The following MED22 variants were observed in gnomAD, a reference collection of about 807,000 sequenced individuals.
The protein encoded by MED22 is mediator of RNA polymerase II transcription subunit 22.
In MED22, 22 loss-of-function variants were observed where a neutral mutation model predicts 22.7. The ratio of observed to expected loss-of-function variants is 0.97; its 90% CI spans 0.69 to 1.38. The LOEUF (loss-of-function observed/expected upper bound fraction) is 1.38, where lower values mean the gene tolerates loss of function less well. Among genes scored for constraint, MED22 ranks in the 40% most tolerant of loss-of-function variants. The pLI is 0.00. For synonymous variants in MED22, 134 were observed against 119.4 expected (o/e 1.12, Z -0.80); for missense variants, 247 against 263.0 (o/e 0.94, Z 0.42).
Position 133,338,885 on chromosome 9 carries a change from G to C in MED22, c.*2620C>G. On this transcript the variant is annotated 3_prime_UTR_variant, in exon 5 of 5. Transcript: ENST00000343730. Reference sequence around the variant, plus strand: ...GAGCCACTGGGCCTGACCTGGTCCTGTTTTAGATTTTAAGACTCCAAAATA... The same window carrying C: ...GAGCCACTGGGCCTGACCTGGTCCTCTTTTAGATTTTAAGACTCCAAAATA... 1 of 478,464 alleles carries C rather than the reference G, an allele frequency of 2.1e-6. No homozygotes were observed. Among genetic ancestry groups the C allele is most frequent in the Non-Finnish European group, 4.1e-6 (1 of 243,704 alleles). The allele number at this position is 478,464 out of a possible 1,614,324, so 29.6% of individuals were successfully genotyped here. A position where few individuals can be genotyped will look rare whatever the true frequency, so the allele number is the denominator to read the frequency against.
rs2129959457 is a variant in MED22 at position 133,344,118 on chromosome 9, T to C, written c.413+7A>G. The C allele has an allele frequency of 1.2e-6, 2 of 1,614,062 alleles. No homozygotes were observed. Among genetic ancestry groups the C allele is most frequent in the African/African-American group, 1.3e-5 (1 of 75,044 alleles). ...GCTCTGCATGGGGAGTCCAGCGCTATTTATACCTGGACGAGTAATACTCCT... is the reference window on the plus strand; with the variant it reads ...GCTCTGCATGGGGAGTCCAGCGCTACTTATACCTGGACGAGTAATACTCCT... On this transcript the variant is annotated splice_region_variant and intron_variant, in intron 4 of 4. Transcript: ENST00000343730.
Position 133,339,160 on chromosome 9 carries a change from C to T in MED22, c.*2345G>A, listed in dbSNP as rs2129942214. ...AAAAAGGAATGCCCCACAAATGTCA[C>T]CATGGCTAGACTGGGAGAGTCTACA... On this transcript the variant is annotated 3_prime_UTR_variant, in exon 5 of 5. Coordinates refer to ENST00000343730, the MANE Select transcript of MED22 (RefSeq NM_133640.5). 6 of 684,778 alleles carry T rather than the reference C, an allele frequency of 8.8e-6. No homozygotes were observed. The highest frequency in any genetic ancestry group is 8.2e-5 in the South Asian group (6 of 73,366). The allele number at this position is 684,778 out of a possible 1,614,324, so 42.4% of individuals were successfully genotyped here.
Position 133,348,030 on chromosome 9 carries a change from C to A in MED22, c.-147G>T, listed in dbSNP as rs2129975528. On this transcript the variant is annotated 5_prime_UTR_variant, in exon 1 of 5. Transcript: ENST00000343730. ...TTCCCGCGTCTCTCCCACGGCCTGG[C>A]CCTCCCGCCGCAGTCTCTCTTCCCC... 1.5e-6 allele frequency: 1 copy of A among 670,968 alleles called. No individual in the cohort carries two copies. Among genetic ancestry groups the A allele is most frequent in the East Asian group, 2.8e-5 (1 of 36,116 alleles). The allele number at this position is 670,968 out of a possible 1,614,324, so 41.6% of individuals were successfully genotyped here. A position where few individuals can be genotyped will look rare whatever the true frequency, so the allele number is the denominator to read the frequency against.
At chr9:133,347,866 C>T (rs1353333571) in intron 1 of MED22, 56 bp downstream of exon 1, 1 of 136,618 alleles carries the variant, frequency 7.3e-6, no homozygotes, top group Non-Finnish European at 1.6e-5. Context: ...CCCACCCCCA[C>T]TCCCGCCCAC....
Position 133,341,447 on chromosome 9 carries a change from G to T in MED22, c.*58C>A. The T allele has an allele frequency of 7.0e-7, 1 of 1,429,786 alleles. No homozygotes were observed. Among genetic ancestry groups the T allele is most frequent in the Non-Finnish European group, 9.1e-7 (1 of 1,095,488 alleles). The allele number at this position is 1,429,786 out of a possible 1,614,324, so 88.6% of individuals were successfully genotyped here. A position where few individuals can be genotyped will look rare whatever the true frequency, so the allele number is the denominator to read the frequency against. On this transcript the variant is annotated 3_prime_UTR_variant, in exon 5 of 5. Coordinates refer to ENST00000343730, the MANE Select transcript of MED22 (RefSeq NM_133640.5). ...AGGCTGAGAGAAGCAAGGCTGTGAG[G>T]GCATCCAAAGGGCTGCCTCAGGTTT...
chr9:133,343,656 T>C, intron 4 of MED22: 1 of 1,252,640 alleles, frequency 8.0e-7, no homozygotes, highest in East Asian at 3.0e-5. Context: ...ACACTGGGGT[T>C]TGGTGACATC....
rs1836250715 is a variant in MED22 at position 133,348,033 on chromosome 9, T to TCCCGCCGCAGTCTCTCTTC, written c.-169_-151dup. 1.5e-6 allele frequency: 1 copy of TCCCGCCGCAGTCTCTCTTC among 678,082 alleles called. No homozygotes were observed. 42.0% of individuals were successfully genotyped at this position (678,082 alleles called of 1,614,324 possible). A position where few individuals can be genotyped will look rare whatever the true frequency, so the allele number is the denominator to read the frequency against. ...CCGCGTCTCTCCCACGGCCTGGCCC[T>TCCCGCCGCAGTCTCTCTTC]CCCGCCGCAGTCTCTCTTCCCCGCC... is the stretch of plus-strand genomic sequence containing the variant. On this transcript the variant is annotated 5_prime_UTR_variant, in exon 1 of 5. Transcript: ENST00000343730.
intron 2 of MED22, 71 bp from the exon 3 acceptor site, chr9:133,345,323 A>C: frequency 2.8e-6 from 4 of 1,453,440 alleles, no homozygotes; most frequent in Non-Finnish European, 3.8e-6. Context: ...GGCCCAGCCC[A>C]GCTTACGGTA....
chr9:133,342,947 CAA>C, intron 4 of MED22: 1 of 985,782 alleles, frequency 1.0e-6, no homozygotes, highest in Non-Finnish European at 1.2e-6. Context: ...GTGGCTGCCT[CAA>C]AGAGACCGAC....
At position 133,348,057 on chromosome 9, in the gene MED22, C is replaced by T. The variant is rs2129975770; in HGVS notation, c.-174G>A. ...CTCCCGCCGCAGTCTCTCTTCCCCG[C>T]CGCGCCGCGGTCCGAAAACCTAGTC... On this transcript the variant is annotated 5_prime_UTR_variant, in exon 1 of 5. Coordinates refer to ENST00000343730, the MANE Select transcript of MED22 (RefSeq NM_133640.5). The T allele has an allele frequency of 2.7e-5, 21 of 789,398 alleles. No homozygotes were observed. Among genetic ancestry groups the T allele is most frequent in the Non-Finnish European group, 3.4e-5 (16 of 474,418 alleles). 48.9% of individuals were successfully genotyped at this position (789,398 alleles called of 1,614,324 possible).
intron 4 of MED22, chr9:133,342,680 C>T (rs1405821344): frequency 2.0e-6 from 2 of 985,786 alleles, no homozygotes; most frequent in Non-Finnish European, 2.4e-6. Context: ...GCCACAGGGG[C>T]TGTGTGAGGC....
intron 4 of MED22, chr9:133,343,837 G>A (rs2129958154): frequency 1.0e-4 from 143 of 1,410,706 alleles, no homozygotes; most frequent in Middle Eastern, 5.2e-4. Context: ...GAGGGCCTGC[G>A]GGGGATACAG....
intron 3 of MED22, among the ~76,000 whole-genome samples, 184 bp downstream of exon 3, chr9:133,344,988 C>T (rs1836138324): frequency 6.6e-6 from 1 of 152,094 alleles, no homozygotes; most frequent in Non-Finnish European, 1.5e-5. Flanking sequence ...AATGATTTGC[C>T]CCCACCTCAT....
intron 4 of MED22, 66 bp from the exon 5 acceptor site, chr9:133,341,760 A>T: frequency 6.4e-7 from 1 of 1,567,732 alleles, no homozygotes; most frequent in South Asian, 1.2e-5. Context: ...AGGGGAGGGG[A>T]GAGCAAGACA....
chr9:133,339,589 A>G lies in MED22; in HGVS notation c.*1916T>C, dbSNP rs2129943254. ...AGATACCAGAGGATATGCAATCATC[A>G]TCCATTCTGGTTGTGGTGATGGACG... On this transcript the variant is annotated 3_prime_UTR_variant, in exon 5 of 5. Coordinates refer to ENST00000343730, the MANE Select transcript of MED22 (RefSeq NM_133640.5). The G allele has an allele frequency of 4.7e-4, 212 of 450,468 alleles. No homozygotes were observed. Among genetic ancestry groups the G allele is most frequent in the African/African-American group, 3.7e-3 (184 of 49,758 alleles). 27.9% of individuals were successfully genotyped at this position (450,468 alleles called of 1,614,324 possible).
At chr9:133,341,887 A>G (rs944829236) in intron 4 of MED22, 193 bp from the exon 5 acceptor site, 2 of 1,368,748 alleles carry the variant, frequency 1.5e-6, no homozygotes, top group Admixed American at 7.6e-5. Flanking sequence ...CAGTGGTGAG[A>G]GCCACCCTAG....
intron 4 of MED22, chr9:133,342,792 T>C (rs1301421869): frequency 1.0e-6 from 1 of 985,648 alleles, no homozygotes; most frequent in Non-Finnish European, 1.2e-6. Flanking sequence ...GGGGAGGGCA[T>C]GGGAAGCCTG....
intron 3 of MED22, among the ~76,000 whole-genome samples, 200 bp from the exon 4 acceptor site, chr9:133,344,533 GC>G (rs1836125398): frequency 6.6e-6 from 1 of 152,180 alleles, no homozygotes; most frequent in African/African-American, 2.4e-5. Context: ...TGCAGGGCAG[GC>G]CCTCCCCTCT....
In MED22 at chr9:133,341,674, T is replaced by A. The variant is rs2129950091; in HGVS notation, c.434A>T (p.Asn145Ile). 2 of 1,607,670 alleles carry A rather than the reference T, an allele frequency of 1.2e-6. No homozygotes were observed. The highest frequency in any genetic ancestry group is 2.7e-5 in the African/African-American group (2 of 74,520). Residue 145 changes from asparagine (N) to isoleucine (I), a missense_variant, in exon 5 of 5, where the codon AAT becomes ATT. Transcript: ENST00000343730. ...YSSSSSLCEA[N>I]DLPLCEAYGR... ...GTAAGCTTCGCACAGAGGCAGGTCATTAGCTTCGCAAAGGCTTGAGCTTTT... is the reference window on the plus strand; with the variant it reads ...GTAAGCTTCGCACAGAGGCAGGTCAATAGCTTCGCAAAGGCTTGAGCTTTT...
Sources: gnomAD v4.1 joint callset for allele counts (sites outside exome capture counted in the v4.1 genomes callset) on GRCh38, gnomAD v4.1.1 for gene constraint, MANE v1.5 for transcripts, NCBI Gene and HGNC (gene_info 2026-07-23, HGNC 2026-07-21) for gene names.